OR10J1: variants seen among roughly 807,000 people sequenced by gnomAD.
OR10J1 encodes the protein olfactory receptor family 10 subfamily J member 1, also known as olfactory receptor 10J1.
For missense variants in OR10J1, 474 were observed against 376.6 expected, an observed-to-expected ratio of 1.26 and a Z score of -2.14; for synonymous variants, 202 against 143.8, an observed-to-expected ratio of 1.40 and a Z score of -2.89.
chr1:159,440,805 T>C lies in OR10J1; in HGVS notation c.*84T>C. ...TGTAAACTCACAAACACTTGGCTCC[T>C]AGAGACCTGCCCCTTAAATAAGAGG... is the stretch of plus-strand genomic sequence containing the variant. On this transcript the variant is annotated 3_prime_UTR_variant, in exon 1 of 1. Coordinates refer to ENST00000423932, the MANE Select transcript of OR10J1 (RefSeq NM_012351.3). The C allele has an allele frequency of 7.0e-7, 1 of 1,420,608 alleles. No homozygotes were observed. Among genetic ancestry groups the C allele is most frequent in the African/African-American group, 1.4e-5 (1 of 70,538 alleles). The allele number at this position is 1,420,608 out of a possible 1,614,324, so 88.0% of individuals were successfully genotyped here.
chr1:159,398,095 G>A, the OR10J1 span, among the ~76,000 whole-genome samples: 5 of 152,182 alleles, frequency 3.3e-5, no homozygotes, highest in Non-Finnish European at 7.4e-5. Flanking sequence ...AAGAGAATAA[G>A]AATCTCTGCC....
chr1:159,417,203 T>C, the OR10J1 span, among the ~76,000 whole-genome samples: 2 of 152,230 alleles, frequency 1.3e-5, no homozygotes, highest in Admixed American at 6.5e-5. Context: ...TTTATTTCTA[T>C]AAAATTCCCT....
At chr1:159,428,543 A>G in the OR10J1 span, among the ~76,000 whole-genome samples, 1 of 152,128 alleles carries the variant, frequency 6.6e-6, no homozygotes, top group Non-Finnish European at 1.5e-5. Context: ...AAGATTAATG[A>G]TTATTTCAAG....
chr1:159,407,437 A>T, the OR10J1 span, among the ~76,000 whole-genome samples: 37 of 152,248 alleles, frequency 2.4e-4, no homozygotes, highest in African/African-American at 7.7e-4. Flanking sequence ...ATCCATTAAT[A>T]TCTCAAAGTG....
At chr1:159,402,633 G>T in the OR10J1 span, among the ~76,000 whole-genome samples, 2 of 151,918 alleles carry the variant, frequency 1.3e-5, no homozygotes, top group Non-Finnish European at 2.9e-5. Flanking sequence ...AAAGGAAAAA[G>T]ATTCCATGTT....
At chr1:159,413,438 C>G in the OR10J1 span, among the ~76,000 whole-genome samples, 2 of 151,814 alleles carry the variant, frequency 1.3e-5, no homozygotes, top group African/African-American at 4.8e-5. Context: ...TGGAACCAAC[C>G]CAAATGTCCA....
chr1:159,427,729 T>C, the OR10J1 span, among the ~76,000 whole-genome samples: 4 of 152,064 alleles, frequency 2.6e-5, no homozygotes, highest in African/African-American at 9.7e-5. Flanking sequence ...TTAGCCAGCA[T>C]TTAAAGAGGC....
chr1:159,404,469 T>C, the OR10J1 span, among the ~76,000 whole-genome samples: 4 of 152,108 alleles, frequency 2.6e-5, no homozygotes, highest in Non-Finnish European at 4.4e-5. Context: ...CATTTGTAAA[T>C]GATACAGGAG....
the OR10J1 span, chr1:159,405,623 G>A: frequency 2.4e-6 from 1 of 413,210 alleles, no homozygotes; most frequent in Admixed American, 3.0e-5. Context: ...TAGCCATAGT[G>A]GCTGATGACC....
the OR10J1 span, among the ~76,000 whole-genome samples, chr1:159,412,396 A>G: frequency 0.11 from 16,185 of 150,652 alleles, 1,033 homozygotes; most frequent in Admixed American, 0.15. Flanking sequence ...CTAAGCCAAA[A>G]GAACAAAGCT....
At chr1:159,406,500 G>C in the OR10J1 span, 3 of 236,370 alleles carry the variant, frequency 1.3e-5, no homozygotes, top group East Asian at 1.0e-4. Flanking sequence ...CAGGCACAGG[G>C]GTTATCTTTG....
chr1:159,406,058 G>A, the OR10J1 span: 1 of 425,390 alleles, frequency 2.4e-6, no homozygotes, highest in Non-Finnish European at 4.6e-6. Context: ...AAGTCACATA[G>A]AAGAGCTGAG....
the OR10J1 span, among the ~76,000 whole-genome samples, chr1:159,424,716 G>GTA: frequency 1.3e-5 from 2 of 151,852 alleles, no homozygotes; most frequent in African/African-American, 4.8e-5. Flanking sequence ...TAAAAAGTTA[G>GTA]GAAATAAGAG....
the OR10J1 span, among the ~76,000 whole-genome samples, chr1:159,414,268 C>G: frequency 6.6e-5 from 10 of 152,062 alleles, no homozygotes; most frequent in Non-Finnish European, 1.5e-4. Flanking sequence ...CATTCCTAGG[C>G]TTTCGTGTCT....
the OR10J1 span, among the ~76,000 whole-genome samples, chr1:159,413,856 A>T: frequency 7.2e-4 from 109 of 150,880 alleles, no homozygotes; most frequent in Middle Eastern, 6.8e-3. Flanking sequence ...AAAATAAAAT[A>T]AAAAAGTAAA....
the OR10J1 span, among the ~76,000 whole-genome samples, chr1:159,403,621 C>A: frequency 2.6e-5 from 4 of 152,072 alleles, no homozygotes; most frequent in Non-Finnish European, 5.9e-5. Flanking sequence ...ATAGCAAATG[C>A]TGGCATGGAT....
chr1:159,433,194 G>A (rs1655633996), upstream of OR10J1: 6 of 397,898 alleles, frequency 1.5e-5, no homozygotes, highest in East Asian at 2.1e-4. Context: ...GTGTCACAGT[G>A]AGAGGGACAA....
At chr1:159,436,126 C>G (rs1655731361), upstream of OR10J1, among the ~76,000 whole-genome samples, 1 of 152,152 alleles carries the variant, frequency 6.6e-6, no homozygotes, top group Non-Finnish European at 1.5e-5. Flanking sequence ...TCCATTTCTA[C>G]AGTCTTCCTA....
At chr1:159,406,864 CA>C in the OR10J1 span, among the ~76,000 whole-genome samples, 2 of 152,136 alleles carry the variant, frequency 1.3e-5, no homozygotes, top group Non-Finnish European at 2.9e-5. Context: ...GATCCCAGAT[CA>C]AGCATTCTTC....
Sources: gnomAD v4.1 joint callset for allele counts (sites outside exome capture counted in the v4.1 genomes callset) on GRCh38, gnomAD v4.1.1 for gene constraint, MANE v1.5 for transcripts, NCBI Gene and HGNC (gene_info 2026-07-23, HGNC 2026-07-21) for gene names.